The following CNTNAP3B variants were observed in gnomAD, a reference collection of about 807,000 sequenced individuals.
CNTNAP3B encodes contactin associated protein family member 3B, also known as contactin-associated protein-like 3B.
CNTNAP3B carries 25 observed loss-of-function variants against 108.9 expected under a neutral mutation model. That is an observed-to-expected ratio of 0.23 (90% CI 0.17 to 0.32). The LOEUF (loss-of-function observed/expected upper bound fraction) is 0.32. CNTNAP3B is among the 10% of genes least tolerant of loss of function. The pLI is 1.00. For synonymous variants in CNTNAP3B, 103 were observed against 473.4 expected, an observed-to-expected ratio of 0.22 and a Z score of 10.16; for missense variants, 252 against 1,210.4, an observed-to-expected ratio of 0.21 and a Z score of 11.75.
intron 3 of CNTNAP3B, among the ~76,000 whole-genome samples, chr9:42,075,835 A>ACTT (rs1827475358): frequency 2.1e-5 from 1 of 46,716 alleles, no homozygotes; most frequent in Middle Eastern, 0.011. Context: ...TGTAATAAAT[A>ACTT]CTTATTATTA....
chr9:42,002,493 C>A (rs140299829), intron 4 of CNTNAP3B, among the ~76,000 whole-genome samples: 1 of 104,898 alleles, frequency 9.5e-6, no homozygotes, highest in Non-Finnish European at 2.0e-5. Flanking sequence ...TTCCCAAATA[C>A]GAATTCTTGC....
At chr9:42,060,146 G>A (rs186448304) in intron 3 of CNTNAP3B, among the ~76,000 whole-genome samples, 3 of 139,556 alleles carry the variant, frequency 2.1e-5, no homozygotes, top group African/African-American at 8.5e-5. Context: ...TGAATAGGAT[G>A]TTAGCTGAGG....
At chr9:41,935,315 C>A (rs1248886891) in intron 14 of CNTNAP3B, among the ~76,000 whole-genome samples, 5 of 152,298 alleles carry the variant, frequency 3.3e-5, no homozygotes, top group South Asian at 2.1e-4. Context: ...TTTATATTAA[C>A]AATACTGCCT....
chr9:42,037,449 G>A (rs575243577), intron 3 of CNTNAP3B, among the ~76,000 whole-genome samples: 14 of 129,710 alleles, frequency 1.1e-4, no homozygotes, highest in African/African-American at 3.8e-4. Context: ...ACCTGATGGA[G>A]CAGAAACCAT....
chr9:42,043,317 G>A, intron 3 of CNTNAP3B, among the ~76,000 whole-genome samples: 1 of 102,460 alleles, frequency 9.8e-6, no homozygotes, highest in African/African-American at 3.8e-5. Flanking sequence ...ATAGATGCCT[G>A]CCACCAAGCC....
At chr9:41,939,839 A>G (rs531457644) in intron 13 of CNTNAP3B, among the ~76,000 whole-genome samples, 1 of 152,140 alleles carries the variant, frequency 6.6e-6, no homozygotes, top group Non-Finnish European at 1.5e-5. Context: ...AAGATCTTGT[A>G]GACTTGTCTA....
intron 3 of CNTNAP3B, among the ~76,000 whole-genome samples, chr9:42,053,795 G>A (rs1362522447): frequency 1.4e-5 from 2 of 143,842 alleles, no homozygotes; most frequent in Non-Finnish European, 3.0e-5. Context: ...AGCCATCCTA[G>A]AAGAAAGCCG....
chr9:42,039,277 C>CA (rs982989293), intron 3 of CNTNAP3B, among the ~76,000 whole-genome samples: 4 of 117,070 alleles, frequency 3.4e-5, no homozygotes, highest in Admixed American at 1.8e-4. Flanking sequence ...AAAAATCCTT[C>CA]AAAAAATCAA....
intron 8 of CNTNAP3B, among the ~76,000 whole-genome samples, chr9:41,990,484 G>A (rs1258380962): frequency 1.5e-5 from 2 of 131,008 alleles, no homozygotes; most frequent in Non-Finnish European, 3.2e-5. Flanking sequence ...CTGAGATAAG[G>A]CCCCGCCCTC....
intron 1 of CNTNAP3B, among the ~76,000 whole-genome samples, chr9:42,109,841 T>G (rs1290864026): frequency 2.2e-5 from 3 of 134,994 alleles, no homozygotes; most frequent in African/African-American, 9.0e-5. Context: ...TGGCTGGGTC[T>G]TAAATACCAT....
In CNTNAP3B at chr9:42,127,904, AC is replaced by A. The variant is rs1343709591; in HGVS notation, c.85+1105del. ...AAACTTTTCATGACAGCTTAGGAAA[AC>A]TGCTGAAAGCTACCCTTGGTTATCC... On this transcript the variant is annotated intron_variant, in intron 1 of 23. Transcript: ENST00000377561. 5.9e-4 allele frequency among the ~76,000 whole-genome samples: 82 copies of A among 139,642 alleles called. 11 individuals are homozygous for A. The highest frequency in any genetic ancestry group is 1.0e-3 in the Non-Finnish European group (68 of 65,056). The allele number at this position is 139,642 out of a possible 152,430, so 91.6% of individuals were successfully genotyped here.
At chr9:41,941,415 A>G (rs1824338664) in intron 13 of CNTNAP3B, among the ~76,000 whole-genome samples, 1 of 150,758 alleles carries the variant, frequency 6.6e-6, no homozygotes, top group Non-Finnish European at 1.5e-5. Flanking sequence ...CTCATAAAAT[A>G]GACTTCAGAA....
At chr9:41,988,394 A>AC (rs1485605399) in intron 8 of CNTNAP3B, among the ~76,000 whole-genome samples, 1 of 131,512 alleles carries the variant, frequency 7.6e-6, no homozygotes, top group Non-Finnish European at 1.6e-5. Context: ...GACTACAGGC[A>AC]CCCGCCACCA....
intron 1 of CNTNAP3B, among the ~76,000 whole-genome samples, chr9:42,119,384 C>T (rs1311223229): frequency 7.5e-6 from 1 of 133,288 alleles, no homozygotes; most frequent in Non-Finnish European, 1.6e-5. Context: ...GAATCAGTAT[C>T]ATGAAAATGG....
chr9:42,119,110 C>G lies in CNTNAP3B; in HGVS notation c.85+9900G>C, dbSNP rs1467607393. Among the ~76,000 whole-genome samples, 322 of 63,482 alleles carry G rather than the reference C, an allele frequency of 5.1e-3. 25 individuals carry two copies. Among genetic ancestry groups the G allele is most frequent in the African/African-American group, 0.021 (305 of 14,622 alleles). The allele number at this position is 63,482 out of a possible 152,430, so 41.6% of individuals were successfully genotyped here. Reference sequence around the variant, plus strand: ...CAAGATTTTGTATCTTGATTTGATACAAAATCAAGATTTTGTATCTTGATT... The same window carrying G: ...CAAGATTTTGTATCTTGATTTGATAGAAAATCAAGATTTTGTATCTTGATT... On this transcript the variant is annotated intron_variant, in intron 1 of 23. Coordinates refer to ENST00000377561, the MANE Select transcript of CNTNAP3B (RefSeq NM_001201380.3).
chr9:42,077,078 A>G lies in CNTNAP3B; in HGVS notation c.197-16T>C. 4 of 1,539,214 alleles carry G rather than the reference A, an allele frequency of 2.6e-6. 1 individual carries two copies. The highest frequency in any genetic ancestry group is 2.6e-6 in the Non-Finnish European group (3 of 1,138,370). ...CCACCAGCTCCTTTTTTGAAACAGA[A>G]AAAGTATAAAAATGGTAGAGGAGGA... On this transcript the variant is annotated splice_polypyrimidine_tract_variant and intron_variant, in intron 2 of 23. Transcript: ENST00000377561.
rs561813050 is a variant in CNTNAP3B, at chr9:42,003,349, C to T, written c.539-4745G>A. The stretch of plus-strand genomic sequence containing the variant: ...CATCAACATTGAGAGGAAAACATTG[C>T]TTGAAAACAGCAAGATTCCATAGGG... On this transcript the variant is annotated intron_variant, in intron 4 of 23. Coordinates refer to ENST00000377561, the MANE Select transcript of CNTNAP3B (RefSeq NM_001201380.3). Among the ~76,000 whole-genome samples, 111 of 84,458 alleles carry T rather than the reference C, an allele frequency of 1.3e-3. 2 individuals are homozygous for T. The highest frequency in any genetic ancestry group is 4.4e-3 in the African/African-American group (105 of 23,900). 55.4% of individuals were successfully genotyped at this position (84,458 alleles called of 152,430 possible). A position where few individuals can be genotyped will look rare whatever the true frequency, so the allele number is the denominator to read the frequency against.
intron 3 of CNTNAP3B, among the ~76,000 whole-genome samples, chr9:42,019,796 G>C (rs1052761369): frequency 1.7e-5 from 2 of 119,030 alleles, no homozygotes; most frequent in African/African-American, 6.7e-5. Flanking sequence ...GGAATCTAAA[G>C]TTTTCTCTAG....
In CNTNAP3B at chr9:41,932,514, TTTC is replaced by T. The variant is rs1426958313; in HGVS notation, c.2238-3073_2238-3071del. Among the ~76,000 whole-genome samples, 14 of 141,870 alleles carry T rather than the reference TTTC, an allele frequency of 9.9e-5. 1 individual carries two copies. The highest frequency in any genetic ancestry group is 2.1e-4 in the East Asian group (1 of 4,854). The allele number at this position is 141,870 out of a possible 152,430, so 93.1% of individuals were successfully genotyped here. On this transcript the variant is annotated intron_variant, in intron 14 of 23. Transcript: ENST00000377561. ...TGTTGAGTCAACTTTTTAACTTTTT[TTTC>T]TTCTTTTTTTTTTTTTTTCGAGACA...
Sources: gnomAD v4.1 joint callset for allele counts (sites outside exome capture counted in the v4.1 genomes callset) on GRCh38, gnomAD v4.1.1 for gene constraint, MANE v1.5 for transcripts, NCBI Gene and HGNC (gene_info 2026-07-23, HGNC 2026-07-21) for gene names.